Variants in RGL1 observed in about 807,000 individuals in gnomAD.
The protein encoded by RGL1 is ral guanine nucleotide dissociation stimulator-like 1.
Under a neutral mutation model 95.2 loss-of-function variants are expected in RGL1, and 24 were observed. The observed-to-expected ratio is 0.25, with a 90% CI of 0.18 to 0.35. RGL1 has a LOEUF of 0.35. Among genes scored for constraint, RGL1 ranks in the 10% least tolerant of loss-of-function variants. RGL1 has a pLI of 1.00. For missense variants in RGL1, 715 were observed against 936.3 expected, an observed-to-expected ratio of 0.76 and a Z score of 3.08; for synonymous variants, 329 against 344.9, an observed-to-expected ratio of 0.95 and a Z score of 0.51.
chr1:183,701,039 A>G (rs1159717056), intron 1 of RGL1, among the ~76,000 whole-genome samples: 1 of 152,148 alleles, frequency 6.6e-6, no homozygotes, highest in Non-Finnish European at 1.5e-5. Context: ...GTTTGCTGAG[A>G]ATGATGGCTT....
chr1:183,885,982 A>C (rs945523512), intron 7 of RGL1, among the ~76,000 whole-genome samples: 4 of 152,156 alleles, frequency 2.6e-5, no homozygotes, highest in Non-Finnish European at 1.5e-5. Flanking sequence ...AAATTACATC[A>C]GCAAAATAAT....
Position 183,805,173 on chromosome 1 carries a change from T to C in RGL1, c.-125T>C. ...GCGGGGGCAGCGCGGCGCGTGTCTGTGCGCTGCGGTCGCTCGGGACCGGGA... is the reference window on the plus strand; with the variant it reads ...GCGGGGGCAGCGCGGCGCGTGTCTGCGCGCTGCGGTCGCTCGGGACCGGGA... On this transcript the variant is annotated 5_prime_UTR_variant, in exon 1 of 18. Coordinates refer to ENST00000360851, the MANE Select transcript of RGL1 (RefSeq NM_001297671.3). 7.5e-7 allele frequency: 1 copy of C among 1,324,854 alleles called. No homozygotes were observed. The highest frequency in any genetic ancestry group is 1.0e-6 in the Non-Finnish European group (1 of 999,306). 82.1% of individuals were successfully genotyped at this position (1,324,854 alleles called of 1,614,324 possible).
intron 2 of RGL1, among the ~76,000 whole-genome samples, chr1:183,834,679 T>G (rs1418621473): frequency 6.6e-6 from 1 of 152,072 alleles, no homozygotes; most frequent in Non-Finnish European, 1.5e-5. Context: ...GGCTCTTCTC[T>G]TTTTATTTTG....
At chr1:183,678,781 GTT>G (rs1253559312) in intron 1 of RGL1, among the ~76,000 whole-genome samples, 3 of 152,182 alleles carry the variant, frequency 2.0e-5, no homozygotes, top group African/African-American at 7.2e-5. Context: ...GAGAGGTCTG[GTT>G]AGCTTCTTTG....
intron 1 of RGL1, among the ~76,000 whole-genome samples, chr1:183,741,650 A>G (rs1298518344): frequency 6.6e-6 from 1 of 152,230 alleles, no homozygotes; most frequent in Non-Finnish European, 1.5e-5. Context: ...CAGCCAAACT[A>G]CTGAATTATT....
intron 1 of RGL1, among the ~76,000 whole-genome samples, chr1:183,701,791 G>A (rs1654611502): frequency 6.6e-6 from 1 of 152,072 alleles, no homozygotes; most frequent in Admixed American, 6.6e-5. Flanking sequence ...AGAAAAATTA[G>A]CCGGGCATAG....
At chr1:183,889,424 C>T (rs562160278) in intron 8 of RGL1, among the ~76,000 whole-genome samples, 50 of 152,240 alleles carry the variant, frequency 3.3e-4, no homozygotes, top group Admixed American at 7.2e-4. Context: ...GTGGTATAGT[C>T]AGTTTCAGTT....
intron 2 of RGL1, among the ~76,000 whole-genome samples, chr1:183,840,724 TAATA>T (rs71555416): frequency 1.1e-4 from 15 of 133,822 alleles, no homozygotes; most frequent in Non-Finnish European, 2.6e-4. Context: ...AATAAATAAA[TAATA>T]AATAAATAAA....
intron 1 of RGL1, among the ~76,000 whole-genome samples, chr1:183,645,218 A>G (rs1650201719): frequency 6.6e-6 from 1 of 150,570 alleles, no homozygotes; most frequent in Non-Finnish European, 1.5e-5. Context: ...ATCCAGTTAT[A>G]AGTCTTACTA....
At chr1:183,830,303 T>C (rs984450701) in intron 2 of RGL1, among the ~76,000 whole-genome samples, 1 of 152,110 alleles carries the variant, frequency 6.6e-6, no homozygotes, top group Non-Finnish European at 1.5e-5. Context: ...TAGAACCTGG[T>C]ATGGGAAAAA....
At chr1:183,806,034 A>G (rs1205853925) in intron 1 of RGL1, among the ~76,000 whole-genome samples, 1 of 90,120 alleles carries the variant, frequency 1.1e-5, no homozygotes, top group Non-Finnish European at 2.1e-5. Context: ...TTTTCCTTTC[A>G]CTTAAGGGGG....
intron 1 of RGL1, among the ~76,000 whole-genome samples, chr1:183,671,778 G>A (rs1303855106): frequency 6.6e-6 from 1 of 152,156 alleles, no homozygotes; most frequent in African/African-American, 2.4e-5. Context: ...GAAGCTGAGA[G>A]GAAGTATTAT....
At chr1:183,673,860 G>A (rs939668125) in intron 1 of RGL1, among the ~76,000 whole-genome samples, 1 of 152,144 alleles carries the variant, frequency 6.6e-6, no homozygotes, top group Non-Finnish European at 1.5e-5. Context: ...GGGTTTGCAA[G>A]TGTCTATCTG....
At chr1:183,875,661 A>AG (rs1483185837) in intron 4 of RGL1, among the ~76,000 whole-genome samples, 4 of 152,092 alleles carry the variant, frequency 2.6e-5, no homozygotes, top group African/African-American at 9.6e-5. Flanking sequence ...GGATCACCTG[A>AG]GGTCAGGAGT....
At chr1:183,675,976 T>C (rs1455591938) in intron 1 of RGL1, among the ~76,000 whole-genome samples, 1 of 151,996 alleles carries the variant, frequency 6.6e-6, no homozygotes, top group Non-Finnish European at 1.5e-5. Context: ...TGAGCACAGG[T>C]CTCTACAGAA....
chr1:183,810,371 C>G (rs1425945749), intron 2 of RGL1, among the ~76,000 whole-genome samples: 2 of 152,140 alleles, frequency 1.3e-5, no homozygotes, highest in Non-Finnish European at 2.9e-5. Flanking sequence ...TCACGTGGCT[C>G]TTCTTAGTCC....
At chr1:183,903,362 A>G (rs1668136746) in intron 12 of RGL1, among the ~76,000 whole-genome samples, 1 of 152,174 alleles carries the variant, frequency 6.6e-6, no homozygotes, top group African/African-American at 2.4e-5. Flanking sequence ...TGTGGATAGC[A>G]CAGTTCTGAA....
intron 2 of RGL1, among the ~76,000 whole-genome samples, chr1:183,827,264 T>G (rs1365539323): frequency 6.6e-6 from 1 of 152,206 alleles, no homozygotes; most frequent in Non-Finnish European, 1.5e-5. Flanking sequence ...TTAACCTTAT[T>G]GACACCCTGA....
At chr1:183,907,278 C>T (rs1668390789) in intron 14 of RGL1, among the ~76,000 whole-genome samples, 177 bp downstream of exon 14, 1 of 152,136 alleles carries the variant, frequency 6.6e-6, no homozygotes, top group African/African-American at 2.4e-5. Flanking sequence ...CATTCTTCTC[C>T]ACTCCCCTCT....
Sources: allele counts gnomAD v4.1 joint callset (sites outside exome capture counted in the v4.1 genomes callset), GRCh38; gene constraint gnomAD v4.1.1; transcripts MANE v1.5; gene names NCBI Gene and HGNC (gene_info 2026-07-23, HGNC 2026-07-21).